The following NEDD4 variants were observed in gnomAD, a reference collection of about 807,000 sequenced individuals.
NEDD4 encodes the protein NEDD4 E3 ubiquitin protein ligase, also known as E3 ubiquitin-protein ligase NEDD4.
A neutral mutation model predicts 144.9 loss-of-function variants in NEDD4; 99 were observed. That is an observed-to-expected ratio of 0.68 (90% CI 0.58 to 0.81). NEDD4 has a LOEUF of 0.81. Ranked by LOEUF, NEDD4 falls within the 30% of genes least tolerant of loss-of-function variation. The probability of loss-of-function intolerance (pLI) is 0.00; values close to 1 mark genes in which losing one functional copy is unlikely to be tolerated. For missense variants in NEDD4, 985 were observed against 1,065.9 expected (o/e 0.92, Z 1.06); for synonymous variants, 318 against 350.6 (o/e 0.91, Z 1.04).
intron 5 of NEDD4, among the ~76,000 whole-genome samples, chr15:55,879,954 T>C (rs62043796): frequency 0.093 from 14,099 of 152,232 alleles, 725 homozygotes; most frequent in Middle Eastern, 0.15. Context: ...CAAAAAAGCA[T>C]TTTAAGTAAC....
intron 4 of NEDD4, among the ~76,000 whole-genome samples, chr15:55,948,826 C>T (rs11632295): frequency 0.3 from 45,835 of 152,068 alleles, 7,048 homozygotes; most frequent in South Asian, 0.38. Context: ...AAGGCTTAAA[C>T]GTTAGACCTA....
Position 55,856,114 on chromosome 15 carries a change from G to C in NEDD4, c.1026+17C>G, listed in dbSNP as rs1457422070. On this transcript the variant is annotated intron_variant, in intron 12 of 28. Coordinates refer to ENST00000435532, the MANE Select transcript of NEDD4 (RefSeq NM_006154.4). Reference sequence around the variant, plus strand: ...GTTTTATATTTTTATTGATTGATGGGAGAGGGTAAAACTCACCACAGGAAG... The same window carrying C: ...GTTTTATATTTTTATTGATTGATGGCAGAGGGTAAAACTCACCACAGGAAG... 1.9e-6 allele frequency: 3 copies of C among 1,599,540 alleles called. No homozygotes were observed. The highest frequency in any genetic ancestry group is 2.6e-6 in the Non-Finnish European group (3 of 1,166,958).
At chr15:55,969,153 C>G (rs191746135) in intron 1 of NEDD4, among the ~76,000 whole-genome samples, 41 of 152,240 alleles carry the variant, frequency 2.7e-4, no homozygotes, top group African/African-American at 9.6e-4. Context: ...GATTGTGGGA[C>G]TTTGCATTGG....
At chr15:55,851,089 C>T (rs1419381007) in intron 13 of NEDD4, among the ~76,000 whole-genome samples, 1 of 152,174 alleles carries the variant, frequency 6.6e-6, no homozygotes, top group East Asian at 1.9e-4. Flanking sequence ...CAAGCCCTAG[C>T]TGCAAGGGGA....
At chr15:55,944,307 C>A (rs1247184448) in intron 4 of NEDD4, among the ~76,000 whole-genome samples, 1 of 152,214 alleles carries the variant, frequency 6.6e-6, no homozygotes, top group African/African-American at 2.4e-5. Context: ...TTCCCATGGT[C>A]TTATCAACTG....
chr15:55,897,549 A>G (rs1201596890), intron 5 of NEDD4, among the ~76,000 whole-genome samples: 2 of 152,192 alleles, frequency 1.3e-5, no homozygotes, highest in Non-Finnish European at 2.9e-5. Flanking sequence ...AAGGGTCAGT[A>G]TGTTCAACTT....
chr15:55,916,549 T>C (rs1332346735), intron 5 of NEDD4: 1 of 1,614,120 alleles, frequency 6.2e-7, no homozygotes, highest in South Asian at 1.1e-5. Context: ...CCACTGTACC[T>C]TGTTGGCTGT....
chr15:55,993,396 G>A, intron 1 of NEDD4, 115 bp downstream of exon 1: 4 of 1,340,256 alleles, frequency 3.0e-6, no homozygotes, highest in Non-Finnish European at 4.1e-6. Context: ...CTCGCGCCGA[G>A]GGAGGAGGGG....
chr15:55,976,518 T>A (rs535278055), intron 1 of NEDD4, among the ~76,000 whole-genome samples: 1 of 152,110 alleles, frequency 6.6e-6, no homozygotes, highest in South Asian at 2.1e-4. Context: ...AAAACTACAA[T>A]GAGATATCAT....
chr15:55,840,286 T>C, intron 21 of NEDD4, among the ~76,000 whole-genome samples, 161 bp downstream of exon 21: 1 of 151,854 alleles, frequency 6.6e-6, no homozygotes, highest in Non-Finnish European at 1.5e-5. Context: ...CTTTATTATA[T>C]GTTAGAAAAT....
chr15:55,879,896 C>T (rs1305979910), intron 5 of NEDD4, among the ~76,000 whole-genome samples: 2 of 151,926 alleles, frequency 1.3e-5, no homozygotes, highest in Admixed American at 6.6e-5. Context: ...AAGTCAACAT[C>T]GAAATAATAG....
chr15:55,915,694 A>G lies in NEDD4; in HGVS notation c.291+8952T>C, dbSNP rs747423211. ...AATGTAGCTGCTTTTCGTTGGGTGA[A>G]ATGCACTGAAACACAAGAATATCCT... On this transcript the variant is annotated intron_variant, in intron 5 of 28. Transcript: ENST00000435532. 2.5e-6 allele frequency: 4 copies of G among 1,613,972 alleles called. No homozygotes were observed. In the Admixed American group the frequency reaches 6.7e-5, roughly 27 times the overall value.
At chr15:55,916,068 T>C in intron 5 of NEDD4, 2 of 1,613,988 alleles carry the variant, frequency 1.2e-6, no homozygotes, top group Non-Finnish European at 1.7e-6. Context: ...AATTTTTGTG[T>C]TCCTGCTCAC....
Position 55,863,632 on chromosome 15 carries a change from A to C in NEDD4, c.508-553T>G, listed in dbSNP as rs866692633. Among the ~76,000 whole-genome samples, 78 of 152,354 alleles carry C rather than the reference A, an allele frequency of 5.1e-4. 1 individual carries two copies. Among genetic ancestry groups the C allele is most frequent in the African/African-American group, 1.8e-3 (73 of 41,584 alleles). On this transcript the variant is annotated intron_variant, in intron 8 of 28. Transcript: ENST00000435532. ...AGGACAAAAAATCGTTTAAATAAAC[A>C]ACCACGGAAAGTTGGAAAGTACTGA...
At chr15:55,855,637 A>G (rs539889905) in intron 12 of NEDD4, among the ~76,000 whole-genome samples, 36 of 152,320 alleles carry the variant, frequency 2.4e-4, no homozygotes, top group Admixed American at 1.2e-3. Flanking sequence ...CAGGAAGCAG[A>G]AGGCCTTAGT....
At chr15:55,993,368 C>G (rs1421931389) in intron 1 of NEDD4, 143 bp downstream of exon 1, 1 of 1,007,372 alleles carries the variant, frequency 9.9e-7, no homozygotes. Flanking sequence ...CCCCGCGGCG[C>G]CTCGCGCGCT....
At chr15:55,844,293 G>T (rs1028967251) in intron 18 of NEDD4, among the ~76,000 whole-genome samples, 5 of 152,144 alleles carry the variant, frequency 3.3e-5, no homozygotes, top group African/African-American at 2.4e-5. Context: ...AGAGTTTCTG[G>T]GTTGGGGAGC....
At position 55,877,445 on chromosome 15, in the gene NEDD4, C is replaced by T. The variant is rs146246672; in HGVS notation, c.292-3437G>A. Among the ~76,000 whole-genome samples, 193 of 152,244 alleles carry T rather than the reference C, an allele frequency of 1.3e-3. 1 individual carries two copies. The highest frequency in any genetic ancestry group is 4.6e-3 in the African/African-American group (189 of 41,532). ...TCAGTGCATCATATCAGGAGGCACA[C>T]GATACTGATTTGTTGCATTACTAAT... On this transcript the variant is annotated intron_variant, in intron 5 of 28. Coordinates refer to ENST00000435532, the MANE Select transcript of NEDD4 (RefSeq NM_006154.4).
At chr15:55,986,667 G>A (rs2037899704) in intron 1 of NEDD4, among the ~76,000 whole-genome samples, 1 of 132,728 alleles carries the variant, frequency 7.5e-6, no homozygotes, top group South Asian at 2.4e-4. Flanking sequence ...TTGACTCATT[G>A]CAAGCTCTGC....
Sources: gnomAD v4.1 joint callset for allele counts (sites outside exome capture counted in the v4.1 genomes callset) on GRCh38, gnomAD v4.1.1 for gene constraint, MANE v1.5 for transcripts, NCBI Gene and HGNC (gene_info 2026-07-23, HGNC 2026-07-21) for gene names.